Variants in FBLN2 observed in about 807,000 individuals in gnomAD.
The protein encoded by FBLN2 is fibulin 2, also known as fibulin-2.
In FBLN2, 81 loss-of-function variants were observed where a neutral mutation model predicts 123.7. The observed-to-expected ratio is 0.65, with a 90% CI of 0.55 to 0.79. The LOEUF (loss-of-function observed/expected upper bound fraction) is 0.79, where lower values mean the gene tolerates loss of function less well. FBLN2 is among the 30% of genes least tolerant of loss of function. FBLN2 has a pLI of 0.00. For synonymous variants in FBLN2, 699 were observed against 701.4 expected, an observed-to-expected ratio of 1.00 and a Z score of 0.05; for missense variants, 1,603 against 1,681.3, an observed-to-expected ratio of 0.95 and a Z score of 0.81.
chr3:13,562,171 T>A (rs1381598940), intron 1 of FBLN2, among the ~76,000 whole-genome samples: 1 of 152,154 alleles, frequency 6.6e-6, no homozygotes, highest in East Asian at 1.9e-4. Context: ...CCTTTTGGCT[T>A]TGGCTGCCAG....
intron 2 of FBLN2, among the ~76,000 whole-genome samples, chr3:13,598,386 G>C (rs1386231404): frequency 6.6e-6 from 1 of 152,230 alleles, no homozygotes; most frequent in Non-Finnish European, 1.5e-5. Flanking sequence ...CAGCCAGTGA[G>C]TGGTAGCCCA....
At position 13,637,873 on chromosome 3, in the gene FBLN2, C is replaced by A; in HGVS notation, c.3650C>A (p.Thr1217Asn). 6.2e-7 allele frequency: 1 copy of A among 1,607,222 alleles called. No individual in the cohort carries two copies. Residue 1217 changes from threonine (T) to asparagine (N), a missense_variant, in exon 18 of 18, where the codon ACC becomes AAC. Coordinates refer to ENST00000404922, the MANE Select transcript of FBLN2 (RefSeq NM_001004019.2). Reference sequence around the variant, plus strand: ...CTCTGGAGGCAGGGCTCCGTCACCACCTTCCTGGCCAAGATGCACATCTTC... The same window carrying A: ...CTCTGGAGGCAGGGCTCCGTCACCAACTTCCTGGCCAAGATGCACATCTTC... ...MKLWRQGSVT[T>N]FLAKMHIFFT...
chr3:13,609,748 G>T lies in FBLN2; in HGVS notation c.1548+106G>T, dbSNP rs897099751. Reference sequence around the variant, plus strand: ...CCCAAGAAGTTAGGCTGTCCTTGGGGCTCCTCCTGGGAGTGACCCTCACGC... The same window carrying T: ...CCCAAGAAGTTAGGCTGTCCTTGGGTCTCCTCCTGGGAGTGACCCTCACGC... On this transcript the variant is annotated intron_variant, in intron 4 of 17. Coordinates refer to ENST00000404922, the MANE Select transcript of FBLN2 (RefSeq NM_001004019.2). 2.9e-6 allele frequency: 4 copies of T among 1,373,824 alleles called. No homozygotes were observed. The African/African-American group carries it at 5.8e-5, about 20-fold the overall frequency. 85.1% of individuals were successfully genotyped at this position (1,373,824 alleles called of 1,614,324 possible). A position where few individuals can be genotyped will look rare whatever the true frequency, so the allele number is the denominator to read the frequency against.
At chr3:13,611,226 C>T (rs1369679764) in intron 4 of FBLN2, among the ~76,000 whole-genome samples, 1 of 152,158 alleles carries the variant, frequency 6.6e-6, no homozygotes, top group African/African-American at 2.4e-5. Context: ...GGATTACAGG[C>T]ATGAGCCACT....
At chr3:13,630,259 G>A (rs1241918059) in intron 14 of FBLN2, among the ~76,000 whole-genome samples, 1 of 152,204 alleles carries the variant, frequency 6.6e-6, no homozygotes, top group Non-Finnish European at 1.5e-5. Context: ...CAAGGTCCGT[G>A]TACCTACCTG....
At chr3:13,567,918 A>G (rs1336117847) in intron 1 of FBLN2, among the ~76,000 whole-genome samples, 1 of 152,218 alleles carries the variant, frequency 6.6e-6, no homozygotes, top group Non-Finnish European at 1.5e-5. Flanking sequence ...TGATCACACA[A>G]CTGTGCTCTA....
intron 4 of FBLN2, 50 bp downstream of exon 4, chr3:13,609,692 G>GGGT: frequency 4.3e-5 from 22 of 508,384 alleles, no homozygotes; most frequent in Non-Finnish European, 7.1e-5. Context: ...GGCGGGGCGG[G>GGGT]AGGCTGGCCT....
chr3:13,597,809 C>T (rs145405250), intron 2 of FBLN2, among the ~76,000 whole-genome samples: 63 of 152,358 alleles, frequency 4.1e-4, no homozygotes, highest in Non-Finnish European at 7.8e-4. Context: ...TGTGCTCACC[C>T]TGCTGCCAGG....
At chr3:13,626,390 C>G (rs973567069) in intron 9 of FBLN2, 55 bp from the exon 10 acceptor site, 9 of 1,463,566 alleles carry the variant, frequency 6.1e-6, no homozygotes, top group Admixed American at 4.0e-5. Context: ...GCTGGCTGCA[C>G]TCAGCCACTG....
At chr3:13,554,037 G>A (rs1703399395) in intron 1 of FBLN2, among the ~76,000 whole-genome samples, 1 of 152,240 alleles carries the variant, frequency 6.6e-6, no homozygotes, top group East Asian at 1.9e-4. Flanking sequence ...CTGGGCCTGA[G>A]CCCCCGGAGC....
At chr3:13,617,128 G>T (rs1305195624) in intron 5 of FBLN2, among the ~76,000 whole-genome samples, 1 of 143,282 alleles carries the variant, frequency 7.0e-6, no homozygotes, top group Non-Finnish European at 1.5e-5. Context: ...TCATTCATTT[G>T]CCCATCCATT....
At chr3:13,594,194 G>A (rs527249923) in intron 2 of FBLN2, among the ~76,000 whole-genome samples, 1 of 152,312 alleles carries the variant, frequency 6.6e-6, no homozygotes, top group African/African-American at 2.4e-5. Context: ...GATACTGAGG[G>A]TGCGGTTAAA....
chr3:13,578,473 A>T (rs1234203638), intron 2 of FBLN2, among the ~76,000 whole-genome samples: 3 of 151,520 alleles, frequency 2.0e-5, no homozygotes, highest in African/African-American at 7.3e-5. Context: ...CTAGTGTGTG[A>T]CTCTTTCACT....
chr3:13,627,552 C>T (rs1393676412), intron 10 of FBLN2, among the ~76,000 whole-genome samples: 2 of 152,204 alleles, frequency 1.3e-5, no homozygotes, highest in Non-Finnish European at 2.9e-5. Context: ...CTTGTCATGA[C>T]ATCTACTTCT....
chr3:13,553,535 G>A (rs548455787), intron 1 of FBLN2, among the ~76,000 whole-genome samples: 3 of 152,208 alleles, frequency 2.0e-5, no homozygotes, highest in African/African-American at 4.8e-5. Context: ...AGCTGGGCAC[G>A]TCCTTTCCCA....
At chr3:13,608,035 G>C in intron 2 of FBLN2, 27 bp from the exon 3 acceptor site, 1 of 1,543,116 alleles carries the variant, frequency 6.5e-7, no homozygotes. Context: ...TATGAATGGT[G>C]ACTCTGCCTC....
intron 9 of FBLN2, among the ~76,000 whole-genome samples, chr3:13,624,171 G>A (rs941924179): frequency 6.6e-6 from 1 of 152,160 alleles, no homozygotes; most frequent in African/African-American, 2.4e-5. Flanking sequence ...GCTCTGGGCC[G>A]GGCACTCTGG....
intron 2 of FBLN2, among the ~76,000 whole-genome samples, chr3:13,583,348 G>C (rs1370443467): frequency 6.6e-6 from 1 of 152,258 alleles, no homozygotes; most frequent in Non-Finnish European, 1.5e-5. Context: ...GGTGACTGAG[G>C]CCCAGGCAGG....
chr3:13,629,761 G>A, intron 13 of FBLN2, 59 bp from the exon 14 acceptor site: 3 of 1,530,596 alleles, frequency 2.0e-6, no homozygotes, highest in Non-Finnish European at 2.6e-6. Flanking sequence ...GGCCCTTGGG[G>A]GTGGAGGGAG....
Sources: gnomAD v4.1 joint callset for allele counts (sites outside exome capture counted in the v4.1 genomes callset) on GRCh38, gnomAD v4.1.1 for gene constraint, MANE v1.5 for transcripts, NCBI Gene and HGNC (gene_info 2026-07-23, HGNC 2026-07-21) for gene names.